The following EPHB1 variants were observed in gnomAD, a reference collection of about 807,000 sequenced individuals.
EPHB1 encodes the protein EPH receptor B1.
In EPHB1, 30 loss-of-function variants were observed where a neutral mutation model predicts 94.4. The observed-to-expected ratio is 0.32, with a 90% CI of 0.24 to 0.43. The LOEUF (loss-of-function observed/expected upper bound fraction) is 0.43, where lower values mean the gene tolerates loss of function less well. EPHB1 is among the 20% of genes least tolerant of loss of function. EPHB1 has a pLI of 1.00. For missense variants in EPHB1, 1,055 were observed against 1,308.3 expected (o/e 0.81, Z 2.99); for synonymous variants, 522 against 489.1 (o/e 1.07, Z -0.89).
chr3:135,242,562 C>T (rs1198082913), intron 13 of EPHB1, among the ~76,000 whole-genome samples: 1 of 152,228 alleles, frequency 6.6e-6, no homozygotes, highest in Admixed American at 6.5e-5. Context: ...GTGGCTCCAG[C>T]CTGGAGTGGG....
At position 134,826,532 on chromosome 3, in the gene EPHB1, C is replaced by T. The variant is rs974457241; in HGVS notation, c.58+30843C>T. On this transcript the variant is annotated intron_variant, in intron 1 of 15. Coordinates refer to ENST00000398015, the MANE Select transcript of EPHB1 (RefSeq NM_004441.5). ...ACCCCCAGTTCCTTGTACATTTCTT[C>T]ACCATTCCTGTTTTTCAGGGCCCTA... Among the ~76,000 whole-genome samples the T allele has an allele frequency of 3.9e-5, 6 of 152,290 alleles. No homozygotes were observed. In the South Asian group the frequency reaches 8.3e-4, roughly 21 times the overall value.
At chr3:134,831,322 CA>C (rs1287083544) in intron 1 of EPHB1, among the ~76,000 whole-genome samples, 1 of 152,186 alleles carries the variant, frequency 6.6e-6, no homozygotes, top group East Asian at 1.9e-4. Flanking sequence ...GCCTGTTGAG[CA>C]GGACTCTGAT....
chr3:134,942,309 C>T (rs73861887), intron 2 of EPHB1, among the ~76,000 whole-genome samples: 5,341 of 151,476 alleles, frequency 0.035, 112 homozygotes, highest in African/African-American at 0.054. Context: ...AAAACTCATA[C>T]GAGCAGGGGA....
At chr3:135,177,269 G>C (rs79076402) in intron 9 of EPHB1, among the ~76,000 whole-genome samples, 1 of 152,114 alleles carries the variant, frequency 6.6e-6, no homozygotes, top group Non-Finnish European at 1.5e-5. Context: ...GGCTGTTTAC[G>C]TCCTCTCACC....
intron 2 of EPHB1, among the ~76,000 whole-genome samples, chr3:134,939,570 C>T (rs1331087653): frequency 6.6e-6 from 1 of 152,218 alleles, no homozygotes; most frequent in African/African-American, 2.4e-5. Context: ...CTGCATTTTA[C>T]ATTTTAATTA....
rs2107736566 is a variant in EPHB1 at position 135,259,703 on chromosome 3, A to G, written c.*583A>G. ...TGACCACTGCATGGGGATCCAACCA[A>G]TTCAATTAATGTCTTCATATTGAAG... On this transcript the variant is annotated 3_prime_UTR_variant, in exon 16 of 16. Transcript: ENST00000398015. 5.0e-6 allele frequency: 1 copy of G among 200,694 alleles called. No individual in the cohort carries two copies. Among genetic ancestry groups the G allele is most frequent in the South Asian group, 1.9e-4 (1 of 5,246 alleles). The allele number at this position is 200,694 out of a possible 1,614,324, so 12.4% of individuals were successfully genotyped here. A position where few individuals can be genotyped will look rare whatever the true frequency, so the allele number is the denominator to read the frequency against.
At chr3:135,244,073 C>G (rs907852670) in intron 13 of EPHB1, among the ~76,000 whole-genome samples, 1 of 152,164 alleles carries the variant, frequency 6.6e-6, no homozygotes, top group African/African-American at 2.4e-5. Flanking sequence ...ACAAGGGCAA[C>G]AGGAGGGGCT....
intron 12 of EPHB1, among the ~76,000 whole-genome samples, chr3:135,211,635 G>A (rs1453843900): frequency 1.3e-5 from 2 of 152,120 alleles, no homozygotes; most frequent in Non-Finnish European, 2.9e-5. Flanking sequence ...TGGTTGCCAT[G>A]GCTTCTGATG....
intron 4 of EPHB1, among the ~76,000 whole-genome samples, chr3:135,115,177 C>A (rs1038590282): frequency 6.6e-6 from 1 of 152,174 alleles, no homozygotes; most frequent in Admixed American, 6.5e-5. Flanking sequence ...ACTCCCTTCT[C>A]TATTTTAAAA....
rs184975805 is a variant in EPHB1, at chr3:135,122,700, A to G, written c.962-10014A>G. Among the ~76,000 whole-genome samples, 10 of 152,332 alleles carry G rather than the reference A, an allele frequency of 6.6e-5. No individual in the cohort carries two copies. In the East Asian group the frequency reaches 1.7e-3, roughly 26 times the overall value. Reference sequence around the variant, plus strand: ...GGGGCTGTCTCTTTTCCCAGAATGTATAATCTACTTCCTTTCTTCCAGACA... The same window carrying G: ...GGGGCTGTCTCTTTTCCCAGAATGTGTAATCTACTTCCTTTCTTCCAGACA... On this transcript the variant is annotated intron_variant, in intron 4 of 15. Transcript: ENST00000398015.
Position 134,837,102 on chromosome 3 carries a change from G to A in EPHB1, c.58+41413G>A, listed in dbSNP as rs530928163. ...AAGGATGATAGCTAGTCATTCATGC[G>A]GTTGGCTGCCAAGATGTCCCCTGCA... On this transcript the variant is annotated intron_variant, in intron 1 of 15. Transcript: ENST00000398015. 2.6e-5 allele frequency among the ~76,000 whole-genome samples: 4 copies of A among 152,310 alleles called. No homozygotes were observed. The South Asian group carries it at 6.2e-4, about 24-fold the overall frequency.
chr3:135,001,944 C>A (rs1303452247), intron 3 of EPHB1, among the ~76,000 whole-genome samples: 1 of 152,172 alleles, frequency 6.6e-6, no homozygotes, highest in Non-Finnish European at 1.5e-5. Context: ...GAACTGAAAG[C>A]AGAGACTTGA....
chr3:134,893,612 A>G (rs893027721), intron 1 of EPHB1, among the ~76,000 whole-genome samples: 1 of 152,190 alleles, frequency 6.6e-6, no homozygotes, highest in Non-Finnish European at 1.5e-5. Context: ...AGTCCTACCC[A>G]GTACCAGCCT....
At chr3:135,198,301 C>T (rs1247728625) in intron 11 of EPHB1, among the ~76,000 whole-genome samples, 3 of 152,234 alleles carry the variant, frequency 2.0e-5, no homozygotes, top group East Asian at 1.9e-4. Flanking sequence ...TGATCACATA[C>T]ATTTTCTGGA....
chr3:134,927,537 G>T (rs1478436454), intron 2 of EPHB1, among the ~76,000 whole-genome samples: 2 of 152,146 alleles, frequency 1.3e-5, no homozygotes, highest in East Asian at 3.9e-4. Context: ...ATATCACCTG[G>T]ATATTAAGAA....
chr3:134,996,702 T>C (rs1030077055), intron 3 of EPHB1, among the ~76,000 whole-genome samples: 7 of 152,158 alleles, frequency 4.6e-5, no homozygotes, highest in African/African-American at 1.4e-4. Context: ...GTTAGTCTGA[T>C]AGCTGAAAAA....
At chr3:135,241,028 G>T (rs1943769733) in intron 12 of EPHB1, 120 bp from the exon 13 acceptor site, 7 of 1,216,022 alleles carry the variant, frequency 5.8e-6, no homozygotes, top group Non-Finnish European at 8.3e-6. Context: ...TAGCCTGTCT[G>T]TCATAATTCA....
At chr3:135,229,444 GC>G (rs1298742395) in intron 12 of EPHB1, among the ~76,000 whole-genome samples, 2 of 152,078 alleles carry the variant, frequency 1.3e-5, no homozygotes, top group African/African-American at 4.8e-5. Context: ...CTGTTGGAGG[GC>G]GGGGGCAGGA....
intron 2 of EPHB1, among the ~76,000 whole-genome samples, chr3:134,947,517 A>G (rs902001221): frequency 6.6e-6 from 1 of 152,060 alleles, no homozygotes; most frequent in Middle Eastern, 3.4e-3. Flanking sequence ...ATTTGCTTCT[A>G]CTCTTTCCCT....
Sources: allele counts gnomAD v4.1 joint callset (sites outside exome capture counted in the v4.1 genomes callset), GRCh38; gene constraint gnomAD v4.1.1; transcripts MANE v1.5; gene names NCBI Gene and HGNC (gene_info 2026-07-23, HGNC 2026-07-21).